Variants in CNTNAP5 observed in about 807,000 individuals in gnomAD.
CNTNAP5 encodes contactin associated protein family member 5, also known as contactin-associated protein-like 5.
In CNTNAP5, 72 loss-of-function variants were observed where a neutral mutation model predicts 150.2. The ratio of observed to expected loss-of-function variants is 0.48; its 90% CI spans 0.40 to 0.58. CNTNAP5 has a LOEUF of 0.58. Among genes scored for constraint, CNTNAP5 ranks in the 20% least tolerant of loss-of-function variants. The pLI is 0.00. For missense variants in CNTNAP5, 1,636 were observed against 1,626.2 expected, an observed-to-expected ratio of 1.01 and a Z score of -0.10; for synonymous variants, 672 against 619.8, an observed-to-expected ratio of 1.08 and a Z score of -1.25.
Position 124,025,422 on chromosome 2 carries a change from C to T in CNTNAP5, c.-229C>T, listed in dbSNP as rs1680852820. 1 of 573,348 alleles carries T rather than the reference C, an allele frequency of 1.7e-6. No homozygotes were observed. Among genetic ancestry groups the T allele is most frequent in the Non-Finnish European group, 3.1e-6 (1 of 319,968 alleles). 35.5% of individuals were successfully genotyped at this position (573,348 alleles called of 1,614,324 possible). ...AAGAGGCGGGCGAGGAAGGCGAGTC[C>T]AGCTAGCGGCTGTTGCGGGGACCGT... On this transcript the variant is annotated 5_prime_UTR_variant, in exon 1 of 24. Coordinates refer to ENST00000682447, the MANE Select transcript of CNTNAP5 (RefSeq NM_001367498.1).
chr2:124,341,835 A>G (rs948523340), intron 3 of CNTNAP5, among the ~76,000 whole-genome samples: 8 of 152,104 alleles, frequency 5.3e-5, no homozygotes, highest in African/African-American at 1.7e-4. Flanking sequence ...GTCTATAAAT[A>G]AGCTGTTGTG....
At chr2:124,887,735 C>G (rs1054411561) in intron 21 of CNTNAP5, among the ~76,000 whole-genome samples, 1 of 152,050 alleles carries the variant, frequency 6.6e-6, no homozygotes, top group Non-Finnish European at 1.5e-5. Flanking sequence ...CTCCTATTCT[C>G]TCTGTTTTAC....
chr2:124,171,267 C>G (rs918303028), intron 1 of CNTNAP5, among the ~76,000 whole-genome samples: 3 of 152,172 alleles, frequency 2.0e-5, no homozygotes, highest in African/African-American at 7.2e-5. Context: ...TCAGCAAGGT[C>G]AGAGAAAGGA....
At chr2:124,355,428 T>C (rs988581931) in intron 3 of CNTNAP5, among the ~76,000 whole-genome samples, 1 of 152,108 alleles carries the variant, frequency 6.6e-6, no homozygotes, top group Non-Finnish European at 1.5e-5. Flanking sequence ...AGGGATGGTG[T>C]TGTGGAATGG....
chr2:124,157,435 G>A (rs1684571683), intron 1 of CNTNAP5, among the ~76,000 whole-genome samples: 1 of 150,232 alleles, frequency 6.7e-6, no homozygotes, highest in South Asian at 2.1e-4. Flanking sequence ...AAACTGAAAG[G>A]CAAACTTTGA....
intron 16 of CNTNAP5, among the ~76,000 whole-genome samples, chr2:124,768,599 T>C (rs1055739315): frequency 2.6e-4 from 40 of 152,118 alleles, no homozygotes; most frequent in African/African-American, 8.9e-4. Flanking sequence ...CACTGTGTTG[T>C]ACTGTGATTA....
chr2:124,306,853 G>C (rs1012038252), intron 3 of CNTNAP5, among the ~76,000 whole-genome samples: 5 of 149,900 alleles, frequency 3.3e-5, no homozygotes, highest in African/African-American at 1.2e-4. Flanking sequence ...TCAGCCTCCT[G>C]AGTAGCTGGG....
chr2:124,515,793 G>A (rs577039364), intron 8 of CNTNAP5, among the ~76,000 whole-genome samples: 4 of 152,304 alleles, frequency 2.6e-5, no homozygotes, highest in Admixed American at 6.5e-5. Context: ...TGGTCCAGCT[G>A]GAGCAGGGAA....
chr2:124,634,922 C>T (rs1038445529), intron 12 of CNTNAP5, among the ~76,000 whole-genome samples: 1 of 152,146 alleles, frequency 6.6e-6, no homozygotes, highest in Non-Finnish European at 1.5e-5. Flanking sequence ...CTTTCCTGCA[C>T]CTTCCTGTAG....
At chr2:124,453,636 A>G (rs1574004910) in intron 6 of CNTNAP5, among the ~76,000 whole-genome samples, 1 of 152,280 alleles carries the variant, frequency 6.6e-6, no homozygotes, top group South Asian at 2.1e-4. Flanking sequence ...TGAGGCAAAA[A>G]CACCAGGTAA....
intron 3 of CNTNAP5, among the ~76,000 whole-genome samples, chr2:124,372,610 C>T (rs1558872685): frequency 6.6e-6 from 1 of 152,046 alleles, no homozygotes; most frequent in African/African-American, 2.4e-5. Context: ...GAAGCTGGAC[C>T]TATGGATGGT....
At chr2:124,718,213 A>C (rs1679982816) in intron 13 of CNTNAP5, among the ~76,000 whole-genome samples, 1 of 152,226 alleles carries the variant, frequency 6.6e-6, no homozygotes, top group Admixed American at 6.5e-5. Flanking sequence ...AAATATAAAA[A>C]TACAAAGATA....
intron 13 of CNTNAP5, among the ~76,000 whole-genome samples, chr2:124,718,450 TGTAA>T (rs1173108651): frequency 1.3e-5 from 2 of 152,194 alleles, no homozygotes; most frequent in Non-Finnish European, 2.9e-5. Flanking sequence ...TGTGGCATTT[TGTAA>T]GTGTTTCGTG....
chr2:124,467,594 A>G (rs1693407882), intron 6 of CNTNAP5, among the ~76,000 whole-genome samples: 1 of 152,208 alleles, frequency 6.6e-6, no homozygotes, highest in Non-Finnish European at 1.5e-5. Context: ...TTAATATAGA[A>G]TTAAGAGGTG....
At chr2:124,134,150 T>C (rs943303440) in intron 1 of CNTNAP5, among the ~76,000 whole-genome samples, 5 of 152,176 alleles carry the variant, frequency 3.3e-5, no homozygotes, top group Non-Finnish European at 7.3e-5. Context: ...AAGGCCAAAG[T>C]TGAGGTGTTG....
At chr2:124,896,473 A>C (rs1257295798) in intron 21 of CNTNAP5, among the ~76,000 whole-genome samples, 1 of 151,572 alleles carries the variant, frequency 6.6e-6, no homozygotes, top group Non-Finnish European at 1.5e-5. Context: ...GGGAGGACAG[A>C]CAAAATGGCA....
At chr2:124,295,974 C>T (rs1341404803) in intron 3 of CNTNAP5, among the ~76,000 whole-genome samples, 2 of 152,094 alleles carry the variant, frequency 1.3e-5, no homozygotes, top group African/African-American at 2.4e-5. Flanking sequence ...GATAATCCTC[C>T]CCTGAGCAGT....
chr2:124,503,577 C>T (rs1039034578), intron 7 of CNTNAP5, among the ~76,000 whole-genome samples: 4 of 152,162 alleles, frequency 2.6e-5, no homozygotes, highest in African/African-American at 7.2e-5. Flanking sequence ...AATACTTTTA[C>T]TAAGTTAAAT....
chr2:124,747,120 T>C, intron 13 of CNTNAP5, 109 bp from the exon 14 acceptor site: 1 of 934,694 alleles, frequency 1.1e-6, no homozygotes, highest in South Asian at 2.4e-5. Context: ...GGAAGGAGAT[T>C]ATCTATATAC....
Sources: allele counts gnomAD v4.1 joint callset (sites outside exome capture counted in the v4.1 genomes callset), GRCh38; gene constraint gnomAD v4.1.1; transcripts MANE v1.5; gene names NCBI Gene and HGNC (gene_info 2026-07-23, HGNC 2026-07-21).